Variants in SNX7 observed in about 807,000 individuals in gnomAD.
SNX7 encodes sorting nexin 7.
A neutral mutation model predicts 48.4 loss-of-function variants in SNX7; 35 were observed. The observed-to-expected ratio is 0.72, with a 90% CI of 0.55 to 0.96. The LOEUF (loss-of-function observed/expected upper bound fraction) is 0.96, where lower values mean the gene tolerates loss of function less well. Among genes scored for constraint, SNX7 ranks in the 40% least tolerant of loss-of-function variants. The pLI is 0.00. For missense variants in SNX7, 553 were observed against 548.9 expected, an observed-to-expected ratio of 1.01 and a Z score of -0.07; for synonymous variants, 190 against 190.2, an observed-to-expected ratio of 1.00 and a Z score of 0.01.
chr1:98,699,860 G>A (rs943679376), intron 6 of SNX7, among the ~76,000 whole-genome samples: 1 of 152,118 alleles, frequency 6.6e-6, no homozygotes, highest in Admixed American at 6.5e-5. Context: ...CTTTATTGGA[G>A]TCCTCCTGTA....
chr1:98,668,970 C>T (rs762804079), intron 1 of SNX7, among the ~76,000 whole-genome samples: 3 of 152,152 alleles, frequency 2.0e-5, no homozygotes, highest in Non-Finnish European at 4.4e-5. Context: ...TTTACTAAGG[C>T]TGTTCCAGTG....
intron 1 of SNX7, among the ~76,000 whole-genome samples, chr1:98,680,126 C>G (rs1433756235): frequency 1.3e-5 from 2 of 152,210 alleles, no homozygotes; most frequent in African/African-American, 4.8e-5. Context: ...TTCCTAAACC[C>G]TAATTCTTGA....
Position 98,695,555 on chromosome 1 carries a change from T to G in SNX7, c.677T>G (p.Leu226Arg). 1 of 1,614,144 alleles carries G rather than the reference T, an allele frequency of 6.2e-7. No homozygotes were observed. The highest frequency in any genetic ancestry group is 8.5e-7 in the Non-Finnish European group (1 of 1,180,024). Residue 226 changes from leucine to arginine, a missense_variant, in exon 5 of 9, where the codon CTA becomes CGA. By Grantham distance (102) the Leu-to-Arg change is moderately radical. Coordinates refer to ENST00000306121, the MANE Select transcript of SNX7 (RefSeq NM_015976.5). Reference protein sequence around the residue: ...SSHKKQGPGLLSRMGQTVRAV... With the variant: ...SSHKKQGPGLRSRMGQTVRAV... ...CACAAGAAGCAAGGTCCTGGCTTGC[T>G]AAGCAGGATGGGGCAAACCGTCAGA...
chr1:98,750,303 T>C (rs1470398071), intron 8 of SNX7, among the ~76,000 whole-genome samples: 2 of 152,038 alleles, frequency 1.3e-5, no homozygotes, highest in Non-Finnish European at 2.9e-5. Flanking sequence ...AGGCATCACA[T>C]GGTGGCTAAG....
chr1:98,727,446 A>C (rs1235360817), intron 7 of SNX7, among the ~76,000 whole-genome samples: 1 of 152,094 alleles, frequency 6.6e-6, no homozygotes, highest in Non-Finnish European at 1.5e-5. Context: ...CTGAAAACTA[A>C]AAAAGCCAGT....
chr1:98,756,426 T>G (rs1369676805), intron 8 of SNX7, among the ~76,000 whole-genome samples: 8 of 143,300 alleles, frequency 5.6e-5, no homozygotes, highest in Non-Finnish European at 9.2e-5. Flanking sequence ...AGATGAGTTT[T>G]TTTTTTTTTT....
At chr1:98,670,235 A>C (rs1649777538) in intron 1 of SNX7, among the ~76,000 whole-genome samples, 1 of 152,226 alleles carries the variant, frequency 6.6e-6, no homozygotes, top group South Asian at 2.1e-4. Flanking sequence ...ATAAACACAA[A>C]GCATAAAAAA....
At chr1:98,701,083 G>A (rs79240758) in intron 6 of SNX7, among the ~76,000 whole-genome samples, 5,479 of 152,054 alleles carry the variant, frequency 0.036, 393 homozygotes, top group East Asian at 0.34. Context: ...TACATGTCTC[G>A]GAAGAAATGT....
intron 1 of SNX7, among the ~76,000 whole-genome samples, chr1:98,676,247 C>T (rs1360830311): frequency 6.6e-6 from 1 of 151,842 alleles, no homozygotes; most frequent in Non-Finnish European, 1.5e-5. Flanking sequence ...ATTGTATGTT[C>T]TTCTAAATCA....
chr1:98,714,027 GA>G (rs1035354594), intron 7 of SNX7, among the ~76,000 whole-genome samples: 15 of 151,848 alleles, frequency 9.9e-5, no homozygotes, highest in African/African-American at 3.6e-4. Context: ...CAATTTGTTA[GA>G]AAAAAAATGG....
At chr1:98,690,622 A>G (rs1557799264) in intron 2 of SNX7, among the ~76,000 whole-genome samples, 1 of 152,084 alleles carries the variant, frequency 6.6e-6, no homozygotes, top group Admixed American at 6.5e-5. Flanking sequence ...CCAAGAAAAC[A>G]TTTTTCTCAG....
intron 2 of SNX7, among the ~76,000 whole-genome samples, chr1:98,690,232 A>C (rs1384368861): frequency 1.3e-5 from 2 of 152,078 alleles, no homozygotes; most frequent in African/African-American, 2.4e-5. Flanking sequence ...ATATGCAAAA[A>C]TTCAGTTAAA....
intron 7 of SNX7, among the ~76,000 whole-genome samples, chr1:98,716,981 A>C (rs1652625359): frequency 6.6e-6 from 1 of 151,832 alleles, no homozygotes; most frequent in East Asian, 1.9e-4. Context: ...AAGGAATAAA[A>C]GTTTGGTGTT....
intron 4 of SNX7, among the ~76,000 whole-genome samples, chr1:98,692,509 A>G (rs1651195892): frequency 6.6e-6 from 1 of 152,166 alleles, no homozygotes; most frequent in Admixed American, 6.6e-5. Flanking sequence ...TATGGGTCCC[A>G]TGGTATTATT....
At chr1:98,735,899 TGA>T (rs1653753094) in intron 7 of SNX7, among the ~76,000 whole-genome samples, 2 of 152,200 alleles carry the variant, frequency 1.3e-5, no homozygotes, top group Non-Finnish European at 2.9e-5. Context: ...AATGCTGTAC[TGA>T]TAAGGCTACA....
chr1:98,719,942 C>G (rs922080195), intron 7 of SNX7, among the ~76,000 whole-genome samples: 6 of 149,640 alleles, frequency 4.0e-5, no homozygotes, highest in African/African-American at 1.5e-4. Flanking sequence ...ATATATTATT[C>G]AACTGTATAT....
intron 7 of SNX7, among the ~76,000 whole-genome samples, chr1:98,705,130 A>G (rs182922666): frequency 6.6e-6 from 1 of 152,340 alleles, no homozygotes; most frequent in African/African-American, 2.4e-5. Flanking sequence ...AATATCTGAC[A>G]GTGAGTCCTT....
chr1:98,760,012 A>G (rs982888363), intron 8 of SNX7, 42 bp from the exon 9 acceptor site: 1 of 1,289,338 alleles, frequency 7.8e-7, no homozygotes. Flanking sequence ...CACTGAAAGT[A>G]AACTATTGTT....
chr1:98,754,838 T>G (rs1223191021), intron 8 of SNX7, among the ~76,000 whole-genome samples: 3 of 151,082 alleles, frequency 2.0e-5, no homozygotes, highest in East Asian at 1.9e-4. Context: ...CTGTTTTTTG[T>G]TTTTTTTTCT....
Sources: allele counts gnomAD v4.1 joint callset (sites outside exome capture counted in the v4.1 genomes callset), GRCh38; gene constraint gnomAD v4.1.1; transcripts MANE v1.5; gene names NCBI Gene and HGNC (gene_info 2026-07-23, HGNC 2026-07-21).